CTNNA2: variants seen among roughly 807,000 people sequenced by gnomAD.
CTNNA2 encodes catenin alpha 2, also known as catenin alpha-2.
In CTNNA2, 42 loss-of-function variants were observed where a neutral mutation model predicts 101.0. The ratio of observed to expected loss-of-function variants is 0.42; its 90% confidence interval spans 0.32 to 0.54. CTNNA2 has a LOEUF of 0.54. Among genes scored for constraint, CTNNA2 ranks in the 20% least tolerant of loss-of-function variants. The pLI, the probability that CTNNA2 is intolerant of heterozygous loss-of-function variation, is 0.14. For synonymous variants in CTNNA2, 450 were observed against 456.4 expected (o/e 0.99, Z 0.18); for missense variants, 871 against 1,223.1 (o/e 0.71, Z 4.29).
chr2:79,974,277 A>G (rs1443951803), intron 7 of CTNNA2, among the ~76,000 whole-genome samples: 1 of 152,158 alleles, frequency 6.6e-6, no homozygotes, highest in Non-Finnish European at 1.5e-5. Flanking sequence ...AGCTAAAGAT[A>G]AAGCCCAATG....
At chr2:79,297,616 A>G (rs997446927) in intron 2 of CTNNA2, among the ~76,000 whole-genome samples, 7 of 152,204 alleles carry the variant, frequency 4.6e-5, no homozygotes, top group Non-Finnish European at 1.0e-4. Flanking sequence ...ACTGCTGAGG[A>G]AAAGTATACA....
intron 7 of CTNNA2, among the ~76,000 whole-genome samples, chr2:80,145,223 A>G (rs1703260232): frequency 6.6e-6 from 1 of 152,308 alleles, no homozygotes; most frequent in Non-Finnish European, 1.5e-5. Flanking sequence ...GAGGGTATTT[A>G]TAGACCCACA....
chr2:79,724,515 G>A (rs1397690), intron 2 of CTNNA2, among the ~76,000 whole-genome samples: 25,471 of 151,752 alleles, frequency 0.17, 2,397 homozygotes, highest in Middle Eastern at 0.23. Context: ...CAATGCTAGC[G>A]CCACTTTAAA....
At chr2:80,322,609 C>A (rs1456047604) in intron 7 of CTNNA2, among the ~76,000 whole-genome samples, 1 of 151,640 alleles carries the variant, frequency 6.6e-6, no homozygotes, top group Non-Finnish European at 1.5e-5. Context: ...CTGGCCCCGG[C>A]GCAGATGCGC....
chr2:79,447,129 G>GGT (rs1351567654), intron 4 of CTNNA2, among the ~76,000 whole-genome samples: 1 of 151,866 alleles, frequency 6.6e-6, no homozygotes, highest in East Asian at 1.9e-4. Flanking sequence ...AGGAGCCCCG[G>GGT]GTGTGTGTCC....
chr2:79,603,006 C>T (rs751387567), intron 1 of CTNNA2, among the ~76,000 whole-genome samples: 1 of 152,060 alleles, frequency 6.6e-6, no homozygotes, highest in African/African-American at 2.4e-5. Context: ...TCAAAATTTA[C>T]TTTTCTCGTA....
chr2:80,614,231 A>T (rs368865893), intron 17 of CTNNA2, among the ~76,000 whole-genome samples: 28 of 151,418 alleles, frequency 1.8e-4, no homozygotes, highest in African/African-American at 6.8e-4. Flanking sequence ...GGCCTTCTGT[A>T]TCTGTGAGTT....
chr2:80,271,084 G>C (rs1673429338), intron 7 of CTNNA2, among the ~76,000 whole-genome samples: 1 of 152,204 alleles, frequency 6.6e-6, no homozygotes, highest in Non-Finnish European at 1.5e-5. Context: ...CCCTCTAGCA[G>C]ATGTGGACTA....
At chr2:80,367,007 A>C (rs369075603) in intron 7 of CTNNA2, among the ~76,000 whole-genome samples, 20 of 142,570 alleles carry the variant, frequency 1.4e-4, no homozygotes, top group African/African-American at 4.6e-4. Flanking sequence ...AAATGGTTGC[A>C]TTTTTTTTTT....
chr2:80,557,133 A>T (rs1028203426), intron 12 of CTNNA2, among the ~76,000 whole-genome samples: 9 of 152,220 alleles, frequency 5.9e-5, no homozygotes, highest in Non-Finnish European at 1.0e-4. Flanking sequence ...GTATCATGTT[A>T]TAAAGAGCAC....
At position 80,581,696 on chromosome 2, in the gene CTNNA2, T is replaced by G; in HGVS notation, c.1894-10T>G. ...TTTAAGTATGCTGACTTATATCTTT[T>G]TGTCTTTAGACCCCAGAAGAACTAG... On this transcript the variant is annotated splice_polypyrimidine_tract_variant and intron_variant, in intron 13 of 18. Transcript: ENST00000402739. The G allele has an allele frequency of 6.5e-7, 1 of 1,547,018 alleles. No individual in the cohort carries two copies. Among genetic ancestry groups the G allele is most frequent in the Non-Finnish European group, 8.9e-7 (1 of 1,119,410 alleles).
At chr2:79,735,359 T>C (rs2104941607) in intron 2 of CTNNA2, among the ~76,000 whole-genome samples, 1 of 152,212 alleles carries the variant, frequency 6.6e-6, no homozygotes, top group South Asian at 2.1e-4. Flanking sequence ...AAACACTTCC[T>C]AGGAAATGAG....
chr2:79,580,229 C>T (rs749910765), intron 1 of CTNNA2, among the ~76,000 whole-genome samples: 1 of 152,060 alleles, frequency 6.6e-6, no homozygotes, highest in Admixed American at 6.6e-5. Flanking sequence ...AATCATGAAT[C>T]CTGACAAGCA....
At chr2:79,214,932 G>A (rs1329883315) in intron 2 of CTNNA2, among the ~76,000 whole-genome samples, 1 of 151,990 alleles carries the variant, frequency 6.6e-6, no homozygotes, top group Non-Finnish European at 1.5e-5. Flanking sequence ...AGGGAAACAG[G>A]CCCTTGAAAA....
intron 3 of CTNNA2, among the ~76,000 whole-genome samples, chr2:79,826,231 A>G (rs1004699452): frequency 6.6e-6 from 1 of 152,252 alleles, no homozygotes; most frequent in Admixed American, 6.5e-5. Context: ...GACCATCTAC[A>G]TGACATATTT....
At chr2:79,808,347 A>G (rs138737210) in intron 3 of CTNNA2, among the ~76,000 whole-genome samples, 1 of 152,178 alleles carries the variant, frequency 6.6e-6, no homozygotes, top group African/African-American at 2.4e-5. Flanking sequence ...GGCGAGGCCA[A>G]TGAGGAGTTC....
intron 7 of CTNNA2, among the ~76,000 whole-genome samples, chr2:79,923,556 C>A (rs141850547): frequency 6.6e-6 from 1 of 152,200 alleles, no homozygotes; most frequent in African/African-American, 2.4e-5. Flanking sequence ...ACATATCAAT[C>A]ACCTTACCAA....
chr2:79,509,278 G>C (rs1671484753), upstream of CTNNA2, among the ~76,000 whole-genome samples: 1 of 151,924 alleles, frequency 6.6e-6, no homozygotes, highest in Non-Finnish European at 1.5e-5. Context: ...TATAGTGACA[G>C]GGTCTGAAAT....
intron 7 of CTNNA2, among the ~76,000 whole-genome samples, chr2:80,306,399 CT>C (rs10714630): frequency 0.036 from 3,321 of 93,536 alleles, 42 homozygotes; most frequent in African/African-American, 0.084. Context: ...CTTTTCTTTT[CT>C]TTTCTTTCTT....
Sources: gnomAD v4.1 joint callset for allele counts (sites outside exome capture counted in the v4.1 genomes callset) on GRCh38, gnomAD v4.1.1 for gene constraint, MANE v1.5 for transcripts, NCBI Gene and HGNC (gene_info 2026-07-23, HGNC 2026-07-21) for gene names.